The following NSMCE1 variants were observed in gnomAD, a reference collection of about 807,000 sequenced individuals.
NSMCE1 encodes NSE1 component of SMC5/6 complex, also known as non-structural maintenance of chromosomes element 1 homolog.
NSMCE1 carries 18 observed loss-of-function variants against 29.6 expected under a neutral mutation model. That is an observed-to-expected ratio of 0.61 (90% CI 0.42 to 0.90). NSMCE1 has a LOEUF of 0.90. NSMCE1 is among the 40% of genes least tolerant of loss of function. The pLI is 0.00. For synonymous variants in NSMCE1, 124 were observed against 133.4 expected (o/e 0.93, Z 0.49); for missense variants, 314 against 343.6 (o/e 0.91, Z 0.68).
At position 27,234,183 on chromosome 16, in the gene NSMCE1, C is replaced by T; in HGVS notation, c.336+5G>A. The T allele has an allele frequency of 6.2e-7, 1 of 1,602,100 alleles. No homozygotes were observed. Among genetic ancestry groups the T allele is most frequent in the African/African-American group, 1.3e-5 (1 of 74,868 alleles). The stretch of plus-strand genomic sequence containing the variant: ...CCAATGGGCAATGGGGATTACTCTA[C>T]TTACAGCCTTTCTAAACAAATCCAG... On this transcript the variant is annotated splice_donor_5th_base_variant and intron_variant, in intron 4 of 7. Transcript: ENST00000361439.
At chr16:27,249,099 G>A (rs533552920) in intron 2 of NSMCE1, among the ~76,000 whole-genome samples, 2 of 152,310 alleles carry the variant, frequency 1.3e-5, no homozygotes, top group East Asian at 3.9e-4. Flanking sequence ...CAGAGTGCTG[G>A]GATTACAGGT....
intron 2 of NSMCE1, among the ~76,000 whole-genome samples, chr16:27,249,700 G>C (rs756809962): frequency 6.6e-6 from 1 of 152,172 alleles, no homozygotes; most frequent in African/African-American, 2.4e-5. Flanking sequence ...AAATCAGGCA[G>C]GGTTCCTCAA....
At chr16:27,261,271 A>C (rs1465924715) in intron 1 of NSMCE1, among the ~76,000 whole-genome samples, 2 of 151,888 alleles carry the variant, frequency 1.3e-5, no homozygotes, top group Non-Finnish European at 2.9e-5. Context: ...GACTGAAAAT[A>C]AGCATATATC....
intron 5 of NSMCE1, among the ~76,000 whole-genome samples, chr16:27,227,187 C>T (rs936423501): frequency 9.2e-5 from 14 of 152,260 alleles, no homozygotes; most frequent in African/African-American, 3.4e-4. Flanking sequence ...GGGTCAGTCT[C>T]CCCAGGGTGC....
Position 27,234,267 on chromosome 16 carries a change from T to C in NSMCE1, c.259-2A>G. 6.2e-7 allele frequency: 1 copy of C among 1,606,102 alleles called. No individual in the cohort carries two copies. The highest frequency in any genetic ancestry group is 8.5e-7 in the Non-Finnish European group (1 of 1,172,650). ...AATTGAAGTTGTAGCAAGATTCACC[T>C]AAGAAATAAGTCAGCACGACAGTCA... On this transcript the variant is annotated splice_acceptor_variant, in intron 3 of 7. Transcript: ENST00000361439. LOFTEE classifies it high-confidence loss of function.
intron 3 of NSMCE1, among the ~76,000 whole-genome samples, 184 bp from the exon 4 acceptor site, chr16:27,234,449 A>G (rs1418518248): frequency 6.6e-6 from 1 of 152,218 alleles, no homozygotes; most frequent in African/African-American, 2.4e-5. Context: ...TCTTTAGCTC[A>G]GCCAACATGC....
intron 2 of NSMCE1, among the ~76,000 whole-genome samples, chr16:27,249,610 AT>A (rs1357776708): frequency 7.2e-5 from 11 of 152,112 alleles, no homozygotes; most frequent in South Asian, 4.2e-4. Context: ...TAGCTCTCTT[AT>A]TTTTTTCCCT....
At chr16:27,258,940 G>C (rs534706814) in intron 1 of NSMCE1, among the ~76,000 whole-genome samples, 1 of 151,890 alleles carries the variant, frequency 6.6e-6, no homozygotes, top group South Asian at 2.1e-4. Flanking sequence ...TAGTAGAGAC[G>C]GGTTTCACCA....
Position 27,232,673 on chromosome 16 carries a change from C to G in NSMCE1, c.483+328G>C, listed in dbSNP as rs1240632184. Among the ~76,000 whole-genome samples the G allele has an allele frequency of 6.6e-6, 1 of 152,264 alleles. No individual in the cohort carries two copies. The stretch of plus-strand genomic sequence containing the variant: ...TCAGACCCGGGTTAGATGTTAGAGC[C>G]ACACTCTCAGCCACGGAACTGCCCT... On this transcript the variant is annotated intron_variant, in intron 5 of 7. Transcript: ENST00000361439. This position sits in a 1 kb window ranked among gnomAD's most constrained non-coding sequence, Gnocchi z 4.5.
rs143427040 is a variant in NSMCE1, at chr16:27,227,642, C to T, written c.484-806G>A. On this transcript the variant is annotated intron_variant, in intron 5 of 7. Coordinates refer to ENST00000361439, the MANE Select transcript of NSMCE1 (RefSeq NM_145080.4). The stretch of plus-strand genomic sequence containing the variant: ...CTGATTCCAGTTTCTCCACAGTCAG[C>T]TCATGCATCGGATATGAACCACACC... 3.8e-3 allele frequency among the ~76,000 whole-genome samples: 573 copies of T among 152,358 alleles called. 5 individuals carry two copies. Among genetic ancestry groups the T allele is most frequent in the Non-Finnish European group, 6.1e-3 (412 of 68,026 alleles).
intron 2 of NSMCE1, among the ~76,000 whole-genome samples, chr16:27,256,863 T>G (rs2084092963): frequency 6.6e-6 from 1 of 152,224 alleles, no homozygotes; most frequent in Non-Finnish European, 1.5e-5. Flanking sequence ...CCCATTTTTT[T>G]GTTTTATAAT....
chr16:27,230,123 C>T (rs1257457528), intron 5 of NSMCE1, among the ~76,000 whole-genome samples: 1 of 151,476 alleles, frequency 6.6e-6, no homozygotes, highest in Non-Finnish European at 1.5e-5. Flanking sequence ...GCCCAGCTCC[C>T]ATGAGCCGCG....
At chr16:27,241,740 A>G (rs2083897206) in intron 2 of NSMCE1, 1 of 362,366 alleles carries the variant, frequency 2.8e-6, no homozygotes, top group East Asian at 8.0e-5. Context: ...TTAGTGACGA[A>G]CCGTCCTCTC....
chr16:27,246,932 C>T (rs1400600903), intron 2 of NSMCE1, among the ~76,000 whole-genome samples: 1 of 150,582 alleles, frequency 6.6e-6, no homozygotes, highest in Admixed American at 6.6e-5. Flanking sequence ...AGAGAGAACA[C>T]AACACCGCTT....
chr16:27,236,725 A>T (rs1364269382), intron 2 of NSMCE1, among the ~76,000 whole-genome samples: 5 of 152,230 alleles, frequency 3.3e-5, no homozygotes, highest in Non-Finnish European at 7.3e-5. Context: ...CTGCAAGAAA[A>T]AATGGACAAT....
intron 1 of NSMCE1, among the ~76,000 whole-genome samples, chr16:27,263,592 G>T (rs1043445272): frequency 6.6e-6 from 1 of 152,140 alleles, no homozygotes; most frequent in African/African-American, 2.4e-5. Context: ...TAACTATCGG[G>T]TACTGGACTT....
At chr16:27,267,316 T>G (rs1460117114) in intron 1 of NSMCE1, among the ~76,000 whole-genome samples, 1 of 152,192 alleles carries the variant, frequency 6.6e-6, no homozygotes, top group African/African-American at 2.4e-5. Flanking sequence ...GTGCGGGTGC[T>G]AACACAATTC....
chr16:27,240,718 G>C (rs80266881), intron 2 of NSMCE1, among the ~76,000 whole-genome samples: 3,631 of 152,322 alleles, frequency 0.024, 163 homozygotes, highest in African/African-American at 0.082. Context: ...GTTGGCTCAA[G>C]TCATCTTGAG....
intron 2 of NSMCE1, among the ~76,000 whole-genome samples, chr16:27,244,819 C>G (rs1435277633): frequency 6.6e-6 from 1 of 152,228 alleles, no homozygotes; most frequent in Non-Finnish European, 1.5e-5. Context: ...TCCCTGAAGG[C>G]TGGGATCTGC....
Sources: gnomAD v4.1 joint callset for allele counts (sites outside exome capture counted in the v4.1 genomes callset) on GRCh38, gnomAD v4.1.1 for gene constraint, Gnocchi (gnomAD v3.1) non-coding constraint, MANE v1.5 for transcripts, NCBI Gene and HGNC (gene_info 2026-07-23, HGNC 2026-07-21) for gene names.